SHLD1: variants seen among roughly 807,000 people sequenced by gnomAD.
SHLD1 encodes the protein shieldin complex subunit 1, also known as RINN1-REV7-interacting novel NHEJ regulator 3.
A neutral mutation model predicts 5.5 loss-of-function variants in SHLD1; 3 were observed. That is an observed-to-expected ratio of 0.54 (90% CI 0.25 to 1.40). The LOEUF is 1.40. Ranked by LOEUF, SHLD1 falls within the 40% of genes most tolerant of loss-of-function variation. The pLI is 0.15. For missense variants in SHLD1, 210 were observed against 244.4 expected (o/e 0.86, Z 0.94); for synonymous variants, 92 against 94.3 (o/e 0.98, Z 0.14).
Position 5,863,775 on chromosome 20 carries a change from C to G in SHLD1, c.*312C>G, listed in dbSNP as rs564881956. 1.7e-5 allele frequency: 5 copies of G among 287,790 alleles called. No individual in the cohort carries two copies. In the East Asian group the frequency reaches 3.4e-4, roughly 20 times the overall value. The allele number at this position is 287,790 out of a possible 1,614,324, so 17.8% of individuals were successfully genotyped here. A position where few individuals can be genotyped will look rare whatever the true frequency, so the allele number is the denominator to read the frequency against. ...GAGGAGTAATTTATGCTCTAGCACT[C>G]CCTTTCCTCTAGATCGGCCTGAGGC... On this transcript the variant is annotated 3_prime_UTR_variant, in exon 3 of 3. Transcript: ENST00000303142.
At chr20:5,752,581 C>T (rs137899968) in intron 1 of SHLD1, among the ~76,000 whole-genome samples, 16 of 149,522 alleles carry the variant, frequency 1.1e-4, no homozygotes, top group African/African-American at 3.4e-4. Flanking sequence ...TTTGTAGGGC[C>T]ATTTTAAAAT....
At chr20:5,841,847 T>C (rs1402120619) in intron 2 of SHLD1, among the ~76,000 whole-genome samples, 1 of 152,230 alleles carries the variant, frequency 6.6e-6, no homozygotes, top group Non-Finnish European at 1.5e-5. Context: ...TCTTTGTCTG[T>C]GGGCCAATGG....
At chr20:5,784,537 G>A (rs929601863) in intron 2 of SHLD1, among the ~76,000 whole-genome samples, 1 of 151,796 alleles carries the variant, frequency 6.6e-6, no homozygotes, top group Non-Finnish European at 1.5e-5. Context: ...TGCAAGCTCC[G>A]CCTCCCGGGT....
chr20:5,800,811 G>A (rs1310647432), intron 2 of SHLD1, among the ~76,000 whole-genome samples: 1 of 150,742 alleles, frequency 6.6e-6, no homozygotes, highest in Non-Finnish European at 1.5e-5. Flanking sequence ...TTACATCTAT[G>A]TATAAATCCA....
intron 1 of SHLD1, among the ~76,000 whole-genome samples, chr20:5,753,001 G>A (rs1983851916): frequency 6.6e-6 from 1 of 152,112 alleles, no homozygotes; most frequent in Admixed American, 6.5e-5. Context: ...GTTTCACCAT[G>A]TTGGTCAGGC....
Position 5,772,936 on chromosome 20 carries a change from G to T in SHLD1, c.71G>T (p.Cys24Phe), listed in dbSNP as rs941196189. The change falls in exon 2 of 3, where the codon TGT (cysteine) becomes TTT (phenylalanine). Residue 24 changes from cysteine to phenylalanine, a missense_variant. By Grantham distance (205) the Cys-to-Phe change is radical. Transcript: ENST00000303142. ...ESSALDLPSA[C>F]DIRDYVLQGP... ...AGTGCTTTGGACCTGCCATCAGCGTGTGACATAAGAGATTACGTCCTGCAG... is the reference window on the plus strand; with the variant it reads ...AGTGCTTTGGACCTGCCATCAGCGTTTGACATAAGAGATTACGTCCTGCAG... 2 of 1,614,146 alleles carry T rather than the reference G, an allele frequency of 1.2e-6. No individual in the cohort carries two copies. Among genetic ancestry groups the T allele is most frequent in the Non-Finnish European group, 1.7e-6 (2 of 1,180,014 alleles).
At chr20:5,763,048 T>C (rs969700144) in intron 1 of SHLD1, among the ~76,000 whole-genome samples, 1 of 151,034 alleles carries the variant, frequency 6.6e-6, no homozygotes, top group African/African-American at 2.4e-5. Context: ...GGCTCACGCC[T>C]ATAATCCCAG....
rs373877950 is a variant in SHLD1, at chr20:5,784,643, G to T, written c.178+11600G>T. On this transcript the variant is annotated intron_variant, in intron 2 of 2. Coordinates refer to ENST00000303142, the MANE Select transcript of SHLD1 (RefSeq NM_152504.4). ...TTTTTTATATTTTTAGTAGAGACGG[G>T]GTTTCACCGTGTTAGCCAGGTTGGT... 2.4e-4 allele frequency among the ~76,000 whole-genome samples: 36 copies of T among 152,066 alleles called. No homozygotes were observed. The East Asian group carries it at 6.0e-3, about 25-fold the overall frequency.
chr20:5,768,826 C>G (rs570018522), intron 1 of SHLD1, among the ~76,000 whole-genome samples: 1 of 151,872 alleles, frequency 6.6e-6, no homozygotes, highest in South Asian at 2.1e-4. Context: ...GGCTGGGAAT[C>G]AAGCCCAGGT....
intron 2 of SHLD1, among the ~76,000 whole-genome samples, chr20:5,858,286 A>T (rs2088116215): frequency 6.6e-6 from 1 of 152,164 alleles, no homozygotes; most frequent in Admixed American, 6.5e-5. Context: ...ATTTAGTAGA[A>T]ACTTGTTACA....
In SHLD1 at chr20:5,764,168, ATATATATT is replaced by A. The variant is rs1343328643; in HGVS notation, c.-4-8692_-4-8685del. Among the ~76,000 whole-genome samples the A allele has an allele frequency of 1.6e-3, 155 of 99,114 alleles. 1 individual carries two copies. In the East Asian group the frequency reaches 0.027, roughly 17 times the overall value. 65.0% of individuals were successfully genotyped at this position (99,114 alleles called of 152,430 possible). ...TATATATATTTATATTTATATATAT[ATATATATT>A]TTTATATATATATATTTTATATATA... On this transcript the variant is annotated intron_variant, in intron 1 of 2. Transcript: ENST00000303142.
At chr20:5,808,915 C>A (rs928126121) in intron 2 of SHLD1, among the ~76,000 whole-genome samples, 2 of 150,904 alleles carry the variant, frequency 1.3e-5, no homozygotes, top group Non-Finnish European at 1.5e-5. Context: ...TTAATATTAT[C>A]GGTTAGGAGT....
rs571447789 is a variant in SHLD1, at chr20:5,812,214, G to T, written c.178+39171G>T. Among the ~76,000 whole-genome samples the T allele has an allele frequency of 2.0e-5, 3 of 151,474 alleles. No homozygotes were observed. The East Asian group carries it at 5.8e-4, about 29-fold the overall frequency. ...GAAAGGATATTTTAACATTCAAAAT[G>T]AAAGAAGGACCTAATCCCAAAATAA... On this transcript the variant is annotated intron_variant, in intron 2 of 2. Coordinates refer to ENST00000303142, the MANE Select transcript of SHLD1 (RefSeq NM_152504.4).
chr20:5,833,501 G>A (rs769557884), intron 2 of SHLD1, among the ~76,000 whole-genome samples: 1 of 152,094 alleles, frequency 6.6e-6, no homozygotes, highest in Non-Finnish European at 1.5e-5. Context: ...TGCCCTGGTT[G>A]AGGGCAATGT....
intron 2 of SHLD1, among the ~76,000 whole-genome samples, chr20:5,802,251 A>G (rs62203932): frequency 0.24 from 35,793 of 151,800 alleles, 4,315 homozygotes; most frequent in Middle Eastern, 0.32. Flanking sequence ...TGCTCTTTGC[A>G]CCTTCTCAGC....
chr20:5,832,108 T>G (rs531900614), intron 2 of SHLD1, among the ~76,000 whole-genome samples: 1 of 152,274 alleles, frequency 6.6e-6, no homozygotes, highest in South Asian at 2.1e-4. Context: ...GCCCAGCAAA[T>G]TTTTGTATTT....
rs572150353 is a variant in SHLD1, at chr20:5,831,247, C to G, written c.179-31777C>G. ...AAAGAAACTGTTGAGATACTTCAGC[C>G]TAGCCATGGTCTTTTTGTGAAGAAC... On this transcript the variant is annotated intron_variant, in intron 2 of 2. Transcript: ENST00000303142. Among the ~76,000 whole-genome samples, 10 of 152,284 alleles carry G rather than the reference C, an allele frequency of 6.6e-5. No individual in the cohort carries two copies. The East Asian group carries it at 1.2e-3, about 18-fold the overall frequency.
At chr20:5,765,221 T>G (rs1426748986) in intron 1 of SHLD1, 1 of 151,276 alleles carries the variant, frequency 6.6e-6, no homozygotes, top group Non-Finnish European at 1.5e-5. Context: ...AAAAGAATAT[T>G]TACAATAACT....
intron 2 of SHLD1, among the ~76,000 whole-genome samples, chr20:5,812,766 A>G (rs2087476782): frequency 1.3e-5 from 2 of 152,124 alleles, no homozygotes; most frequent in African/African-American, 2.4e-5. Flanking sequence ...TCATTAGCGA[A>G]ATGCTTATTG....
Sources: gnomAD v4.1 joint callset for allele counts (sites outside exome capture counted in the v4.1 genomes callset) on GRCh38, gnomAD v4.1.1 for gene constraint, MANE v1.5 for transcripts, NCBI Gene and HGNC (gene_info 2026-07-23, HGNC 2026-07-21) for gene names.